Variants in INPP5K observed in about 807,000 individuals in gnomAD.
The protein encoded by INPP5K is inositol polyphosphate 5-phosphatase K.
In INPP5K, 35 loss-of-function variants were observed where a neutral mutation model predicts 53.5. The observed-to-expected ratio is 0.65, with a 90% CI of 0.50 to 0.87. INPP5K has a LOEUF of 0.87. Ranked by LOEUF, INPP5K falls within the 40% of genes least tolerant of loss-of-function variation. The pLI is 0.00. For synonymous variants in INPP5K, 253 were observed against 232.8 expected (o/e 1.09, Z -0.79); for missense variants, 550 against 586.2 (o/e 0.94, Z 0.64).
At chr17:1,515,222 G>T (rs2075406373) in intron 1 of INPP5K, among the ~76,000 whole-genome samples, 1 of 152,118 alleles carries the variant, frequency 6.6e-6, no homozygotes, top group South Asian at 2.1e-4. Flanking sequence ...GAGTTTTTAA[G>T]TAACAGGTTT....
rs991431117 is a variant in INPP5K at position 1,495,086 on chromosome 17, G to A, written c.*737C>T. 1.3e-5 allele frequency: 2 copies of A among 152,258 alleles called. No homozygotes were observed. Among genetic ancestry groups the A allele is most frequent in the Admixed American group, 1.3e-4 (2 of 15,286 alleles). 9.4% of individuals were successfully genotyped at this position (152,258 alleles called of 1,614,324 possible). A position where few individuals can be genotyped will look rare whatever the true frequency, so the allele number is the denominator to read the frequency against. On this transcript the variant is annotated 3_prime_UTR_variant, in exon 12 of 12. Transcript: ENST00000421807. ...TCACCCCTTCCTCAGATGGCAGGGT[G>A]GAGGCATGGGACTCAAGCTACCAAC...
In INPP5K at chr17:1,498,048, T is replaced by G; in HGVS notation, c.851A>C (p.Asp284Ala). ...GTGTGACGCCGGCGGTATGGGAGTGTCGGGGCCAGCACAGGGCTGCCGCTT... is the reference window on the plus strand; with the variant it reads ...GTGTGACGCCGGCGGTATGGGAGTGGCGGGGCCAGCACAGGGCTGCCGCTT... The part of the protein sequence containing the change: ...RLKRQPCAGP[D>A]TPIPPASHFS... Residue 284 changes from aspartate to alanine, a missense_variant, in exon 8 of 12, where the codon GAC (aspartate) becomes GCC (alanine). Transcript: ENST00000421807. 6.2e-7 allele frequency: 1 copy of G among 1,614,052 alleles called. No individual in the cohort carries two copies. The highest frequency in any genetic ancestry group is 1.1e-5 in the South Asian group (1 of 91,072).
rs563249463 is a variant in INPP5K, at chr17:1,511,603, T to G, written c.262-1804A>C. Among the ~76,000 whole-genome samples the G allele has an allele frequency of 7.9e-5, 12 of 152,172 alleles. No individual in the cohort carries two copies. The South Asian group carries it at 2.5e-3, about 32-fold the overall frequency. ...GTAAGGGAGGCATCAGAACTTCAGG[T>G]GGGCCAGAGGTTGCTACAGGTGTGT... On this transcript the variant is annotated intron_variant, in intron 3 of 11. Transcript: ENST00000421807.
intron 7 of INPP5K, among the ~76,000 whole-genome samples, chr17:1,498,749 G>T (rs79485471): frequency 2.0e-5 from 3 of 152,150 alleles, no homozygotes; most frequent in Non-Finnish European, 4.4e-5. Context: ...CGGTAAGTGC[G>T]TGGCACTATG....
intron 7 of INPP5K, among the ~76,000 whole-genome samples, chr17:1,503,729 A>C (rs1000629066): frequency 6.6e-6 from 1 of 152,074 alleles, no homozygotes; most frequent in African/African-American, 2.4e-5. Context: ...GAAAAAAATA[A>C]AACACTTTGT....
rs1418733901 is a variant in INPP5K at position 1,495,290 on chromosome 17, C to T, written c.*533G>A. ...GGCCCCTCCATTCTGCCCACTGAGT[C>T]AGACTGCTTTTGCTGAAAGCAGAAA... On this transcript the variant is annotated 3_prime_UTR_variant, in exon 12 of 12. Transcript: ENST00000421807. 6.5e-6 allele frequency: 1 copy of T among 152,926 alleles called. No individual in the cohort carries two copies. The highest frequency in any genetic ancestry group is 1.5e-5 in the Non-Finnish European group (1 of 68,600). The allele number at this position is 152,926 out of a possible 1,614,324, so 9.5% of individuals were successfully genotyped here.
intron 3 of INPP5K, among the ~76,000 whole-genome samples, chr17:1,512,796 T>C (rs2075339207): frequency 6.6e-6 from 1 of 152,184 alleles, no homozygotes; most frequent in Non-Finnish European, 1.5e-5. Context: ...ACCCCCAGAA[T>C]CTGAAGTGCA....
At chr17:1,509,642 C>A (rs1367350910) in intron 4 of INPP5K, 41 bp downstream of exon 4, 4 of 1,307,790 alleles carry the variant, frequency 3.1e-6, no homozygotes, top group Non-Finnish European at 4.4e-6. Flanking sequence ...CAGTTCCCAG[C>A]CCTTCCCAGC....
chr17:1,498,920 G>T (rs1283597248), intron 7 of INPP5K, among the ~76,000 whole-genome samples: 1 of 152,144 alleles, frequency 6.6e-6, no homozygotes, highest in Non-Finnish European at 1.5e-5. Flanking sequence ...CTTTACAGGT[G>T]GAGAAACTGA....
intron 1 of INPP5K, chr17:1,516,060 A>G: frequency 4.6e-6 from 5 of 1,084,560 alleles, no homozygotes; most frequent in Non-Finnish European, 5.6e-6. Flanking sequence ...TCTTATCTCA[A>G]TCTGATTTCG....
chr17:1,496,823 G>A lies in INPP5K; in HGVS notation c.964-20C>T. The A allele has an allele frequency of 6.2e-7, 1 of 1,612,464 alleles. No individual in the cohort carries two copies. The highest frequency in any genetic ancestry group is 8.5e-7 in the Non-Finnish European group (1 of 1,179,220). ...CTTCAGCTAGACACGGGGGTGGGAA[G>A]GGGGCTGAATCTCGCAGCATCATTC... On this transcript the variant is annotated intron_variant, in intron 8 of 11. Transcript: ENST00000421807.
chr17:1,505,637 C>T (rs2075135816), intron 7 of INPP5K, among the ~76,000 whole-genome samples: 1 of 152,228 alleles, frequency 6.6e-6, no homozygotes, highest in African/African-American at 2.4e-5. Context: ...CACTCTTTCC[C>T]CCTTTCCTTG....
intron 7 of INPP5K, among the ~76,000 whole-genome samples, chr17:1,500,881 C>T (rs2074993891): frequency 6.6e-6 from 1 of 151,962 alleles, no homozygotes; most frequent in South Asian, 2.1e-4. Flanking sequence ...TCAAAAATGT[C>T]CGTCTAATCT....
At chr17:1,508,290 G>A in intron 5 of INPP5K, 64 bp from the exon 6 acceptor site, 1 of 1,339,226 alleles carries the variant, frequency 7.5e-7, no homozygotes, top group Non-Finnish European at 1.1e-6. Flanking sequence ...AGATCACCAG[G>A]TGGCTCAGCC....
In INPP5K at chr17:1,513,101, C is replaced by T. The variant is rs140844381; in HGVS notation, c.261+352G>A. 1.8e-3 allele frequency among the ~76,000 whole-genome samples: 271 copies of T among 152,222 alleles called. 1 individual carries two copies. Among genetic ancestry groups the T allele is most frequent in the African/African-American group, 6.4e-3 (265 of 41,528 alleles). On this transcript the variant is annotated intron_variant, in intron 3 of 11. Transcript: ENST00000421807. ...AAGTAAGCACTTGATAAATGACAGC[C>T]GTATGATTACACTCAGAGACTTCAG... is the stretch of plus-strand genomic sequence containing the variant.
chr17:1,509,752 C>T lies in INPP5K; in HGVS notation c.309G>A (p.Lys103=). The T allele has an allele frequency of 6.2e-7, 1 of 1,613,826 alleles. No homozygotes were observed. The highest frequency in any genetic ancestry group is 1.3e-5 in the African/African-American group (1 of 75,040). The part of the protein sequence containing the change: ...MQGILLLVFA[K]YQHLPYIQIL... Reference sequence around the variant, plus strand: ...TCTGGATATAGGGCAAATGCTGATACTTGGCAAAGACCAGTAAGAGGATCC... The same window carrying T: ...TCTGGATATAGGGCAAATGCTGATATTTGGCAAAGACCAGTAAGAGGATCC... The change falls in exon 4 of 12, where the codon AAG becomes AAA. Residue 103 remains lysine, a synonymous_variant. Coordinates refer to ENST00000421807, the MANE Select transcript of INPP5K (RefSeq NM_016532.4).
At chr17:1,512,411 C>T (rs755851720) in intron 3 of INPP5K, among the ~76,000 whole-genome samples, 1 of 152,138 alleles carries the variant, frequency 6.6e-6, no homozygotes, top group Non-Finnish European at 1.5e-5. Flanking sequence ...TTTCTATCCT[C>T]AGCAGGAGTT....
Position 1,509,259 on chromosome 17 carries a change from TA to T in INPP5K, c.472del (p.Tyr158ThrfsTer36). On this transcript the variant is annotated frameshift_variant, in exon 5 of 12. Coordinates refer to ENST00000421807, the MANE Select transcript of INPP5K (RefSeq NM_016532.4). LOFTEE classifies it high-confidence loss of function. ...CHLPPHISNN[Y>X]QRLEHFDRIL... ...CCGGTCAAAGTGCTCCAGCCGCTGG[TA>T]ATTGTTGGAAATGTGGGGAGGCAGG... is the stretch of plus-strand genomic sequence containing the variant. The T allele has an allele frequency of 6.2e-7, 1 of 1,614,064 alleles. No homozygotes were observed. Among genetic ancestry groups the T allele is most frequent in the Non-Finnish European group, 8.5e-7 (1 of 1,180,014 alleles).
At chr17:1,502,146 G>A (rs1012738873) in intron 7 of INPP5K, among the ~76,000 whole-genome samples, 127 of 151,228 alleles carry the variant, frequency 8.4e-4, no homozygotes, top group African/African-American at 3.0e-3. Context: ...TCAGGACATG[G>A]AGACCATCCT....
Sources: allele counts gnomAD v4.1 joint callset (sites outside exome capture counted in the v4.1 genomes callset), GRCh38; gene constraint gnomAD v4.1.1; transcripts MANE v1.5; gene names NCBI Gene and HGNC (gene_info 2026-07-23, HGNC 2026-07-21).